The following ZNF469 variants were observed in gnomAD, a reference collection of about 807,000 sequenced individuals.
ZNF469 encodes zinc finger protein 469.
In ZNF469, 1 loss-of-function variant was observed where a neutral mutation model predicts 1.0. That is an observed-to-expected ratio of 1.00 (90% confidence interval 0.35 to 4.73). The LOEUF is 4.73. Ranked by LOEUF, ZNF469 falls within the 30% of genes most tolerant of loss-of-function variation. The pLI, the probability that ZNF469 is intolerant of heterozygous loss-of-function variation, is 0.16. For synonymous variants in ZNF469, 2,703 were observed against 2,363.4 expected, an observed-to-expected ratio of 1.14 and a Z score of -4.17; for missense variants, 6,100 against 5,356.3, an observed-to-expected ratio of 1.14 and a Z score of -4.33.
rs1467654654 is a variant in ZNF469, at chr16:88,428,420, C to T, written c.950C>T (p.Ala317Val). 1 of 1,548,128 alleles carries T rather than the reference C, an allele frequency of 6.5e-7. No individual in the cohort carries two copies. Among genetic ancestry groups the T allele is most frequent in the Non-Finnish European group, 8.7e-7 (1 of 1,146,800 alleles). Reference protein sequence around the residue: ...HQPQGAWPEEAVGTGPAYPLP... With the variant: ...HQPQGAWPEEVVGTGPAYPLP... ...CCCCAGGGAGCGTGGCCGGAGGAGG[C>T]CGTGGGCACGGGCCCTGCCTACCCG... is the stretch of plus-strand genomic sequence containing the variant. The change falls in exon 3 of 3, where the codon GCC (alanine) becomes GTC (valine). Residue 317 changes from alanine to valine, a missense_variant. By Grantham distance (64) the Ala-to-Val change is moderately conservative. Coordinates refer to ENST00000565624, the MANE Select transcript of ZNF469 (RefSeq NM_001367624.2).
chr16:88,432,219 G>A lies in ZNF469; in HGVS notation c.4749G>A (p.Gly1583=), dbSNP rs1567512948. 1 of 1,549,862 alleles carries A rather than the reference G, an allele frequency of 6.5e-7. No homozygotes were observed. The highest frequency in any genetic ancestry group is 2.4e-5 in the East Asian group (1 of 40,910). ...SQLQRSKDTR[G]APRELAEAES... is the part of the protein sequence containing the mutation. ...TGCAAAGGAGCAAAGACACACGTGGGGCCCCGAGAGAGCTTGCAGAAGCTG... is the reference window on the plus strand; with the variant it reads ...TGCAAAGGAGCAAAGACACACGTGGAGCCCCGAGAGAGCTTGCAGAAGCTG... Residue 1583 remains glycine (G), a synonymous_variant, in exon 3 of 3, where the codon GGG becomes GGA. Transcript: ENST00000565624.
At chr16:88,246,366 G>A in the ZNF469 span, among the ~76,000 whole-genome samples, 1,617 of 152,284 alleles carry the variant, frequency 0.011, 27 homozygotes, top group African/African-American at 0.036. Context: ...TGTGATAAGC[G>A]TCATAGTGGG....
chr16:88,108,218 C>T, the ZNF469 span, among the ~76,000 whole-genome samples: 1 of 147,336 alleles, frequency 6.8e-6, no homozygotes, highest in African/African-American at 2.6e-5. Context: ...GACAGAGGTG[C>T]ACGTCTGTGG....
At chr16:88,417,002 C>T (rs1032801788) in intron 1 of ZNF469, among the ~76,000 whole-genome samples, 11 of 152,250 alleles carry the variant, frequency 7.2e-5, no homozygotes, top group Admixed American at 3.9e-4. Flanking sequence ...CTCCGTGGTA[C>T]TCGGCTTCCT....
the ZNF469 span, among the ~76,000 whole-genome samples, chr16:88,232,658 G>C: frequency 6.6e-6 from 1 of 152,234 alleles, no homozygotes; most frequent in South Asian, 2.1e-4. Context: ...GGGTCAGCCT[G>C]CGGCAAGAGG....
the ZNF469 span, among the ~76,000 whole-genome samples, chr16:88,221,743 A>T: frequency 2.0e-5 from 3 of 152,208 alleles, no homozygotes; most frequent in African/African-American, 7.2e-5. Flanking sequence ...GTCCTAAGGC[A>T]TCGGCAGGGC....
chr16:88,415,978 C>G (rs1167910073), intron 1 of ZNF469, among the ~76,000 whole-genome samples: 3 of 152,206 alleles, frequency 2.0e-5, no homozygotes, highest in Non-Finnish European at 4.4e-5. Context: ...CCCATCCCCA[C>G]CCAGCTCCCA....
At chr16:88,407,114 C>T (rs754195401) in intron 1 of ZNF469, among the ~76,000 whole-genome samples, 3 of 111,778 alleles carry the variant, frequency 2.7e-5, no homozygotes, top group African/African-American at 1.2e-4. Flanking sequence ...CCACCCTCTG[C>T]GGCCCCAGGA....
chr16:88,335,766 G>C, the ZNF469 span, among the ~76,000 whole-genome samples: 1 of 152,244 alleles, frequency 6.6e-6, no homozygotes, highest in Non-Finnish European at 1.5e-5. Context: ...CTTCACGTGA[G>C]ACACTAACAT....
chr16:88,221,506 C>A, the ZNF469 span, among the ~76,000 whole-genome samples: 7 of 152,186 alleles, frequency 4.6e-5, no homozygotes, highest in African/African-American at 1.4e-4. Flanking sequence ...CTCAGGGGGA[C>A]GGGAAGCCTT....
At chr16:88,167,259 A>C in the ZNF469 span, among the ~76,000 whole-genome samples, 2 of 151,778 alleles carry the variant, frequency 1.3e-5, no homozygotes, top group East Asian at 3.9e-4. Flanking sequence ...ATGGGGTTTC[A>C]CCATGTTGGC....
the ZNF469 span, among the ~76,000 whole-genome samples, chr16:88,309,173 G>A: frequency 6.6e-6 from 1 of 152,222 alleles, no homozygotes; most frequent in Non-Finnish European, 1.5e-5. Flanking sequence ...GAGGCCTAAG[G>A]CTGATGCTCA....
chr16:88,434,800 C>T lies in ZNF469; in HGVS notation c.7330C>T (p.Leu2444Phe). 1 of 1,550,366 alleles carries T rather than the reference C, an allele frequency of 6.5e-7. No homozygotes were observed. The highest frequency in any genetic ancestry group is 8.7e-7 in the Non-Finnish European group (1 of 1,146,980). ...GGGGGACCCCCTCGGCCCCCAAGACCTCAAACAGAGGTCCCGTGGCTATAA... is the reference window on the plus strand; with the variant it reads ...GGGGGACCCCCTCGGCCCCCAAGACTTCAAACAGAGGTCCCGTGGCTATAA... ...PQGDPLGPQDLKQRSRGYKKK... is the reference protein window; with the variant it reads ...PQGDPLGPQDFKQRSRGYKKK... The change falls in exon 3 of 3, where the codon CTC becomes TTC. Residue 2444 changes from leucine to phenylalanine, a missense_variant. Coordinates refer to ENST00000565624, the MANE Select transcript of ZNF469 (RefSeq NM_001367624.2).
At chr16:88,316,349 C>G in the ZNF469 span, among the ~76,000 whole-genome samples, 10 of 152,220 alleles carry the variant, frequency 6.6e-5, no homozygotes, top group Admixed American at 2.0e-4. Flanking sequence ...GCTCGTGGGG[C>G]CAGACGCCAG....
the ZNF469 span, among the ~76,000 whole-genome samples, chr16:88,328,007 T>C: frequency 1.3e-5 from 2 of 152,212 alleles, no homozygotes; most frequent in Non-Finnish European, 2.9e-5. Flanking sequence ...CCCATGCTGC[T>C]GCCCAGGCAG....
At chr16:88,265,541 G>A in the ZNF469 span, among the ~76,000 whole-genome samples, 17 of 152,208 alleles carry the variant, frequency 1.1e-4, no homozygotes, top group African/African-American at 3.1e-4. Flanking sequence ...CGGCGGGGCC[G>A]GGTGCGTCCA....
the ZNF469 span, among the ~76,000 whole-genome samples, chr16:88,303,514 A>G: frequency 6.6e-6 from 1 of 152,124 alleles, no homozygotes; most frequent in African/African-American, 2.4e-5. Context: ...ATGGAACTCC[A>G]CTGCCGGGAG....
chr16:88,272,138 G>A, the ZNF469 span, among the ~76,000 whole-genome samples: 1 of 150,928 alleles, frequency 6.6e-6, no homozygotes, highest in Non-Finnish European at 1.5e-5. Context: ...AAATGGGTAG[G>A]TGGATGGATA....
rs1219748892 is a variant in ZNF469, at chr16:88,430,479, G to A, written c.3009G>A (p.Gly1003=). The A allele has an allele frequency of 6.9e-7, 1 of 1,439,492 alleles. No homozygotes were observed. Among genetic ancestry groups the A allele is most frequent in the Non-Finnish European group, 9.0e-7 (1 of 1,106,798 alleles). The allele number at this position is 1,439,492 out of a possible 1,614,324, so 89.2% of individuals were successfully genotyped here. The change falls in exon 3 of 3, where the codon GGG becomes GGA. Residue 1003 remains glycine, a synonymous_variant. Transcript: ENST00000565624. ...RPRRPRTQAP[G]SRADPAPRVP... is the part of the protein sequence containing the mutation. ...GGCGCCCTAGAACGCAGGCCCCCGG[G>A]AGCCGCGCAGACCCCGCGCCCCGGG...
Sources: allele counts gnomAD v4.1 joint callset (sites outside exome capture counted in the v4.1 genomes callset), GRCh38; gene constraint gnomAD v4.1.1; transcripts MANE v1.5; gene names NCBI Gene and HGNC (gene_info 2026-07-23, HGNC 2026-07-21).